The following LRRC57 variants were observed in gnomAD, a reference collection of about 807,000 sequenced individuals.
LRRC57 encodes the protein leucine rich repeat containing 57, also known as leucine-rich repeat-containing protein 57.
Under a neutral mutation model 23.1 loss-of-function variants are expected in LRRC57, and 14 were observed. That is an observed-to-expected ratio of 0.61 (90% CI 0.40 to 0.95). The LOEUF is 0.95. Ranked by LOEUF, LRRC57 falls within the 40% of genes least tolerant of loss-of-function variation. The pLI is 0.00. For synonymous variants in LRRC57, 106 were observed against 115.2 expected (o/e 0.92, Z 0.51); for missense variants, 236 against 284.4 (o/e 0.83, Z 1.22).
chr15:42,539,477 C>CAAGAAA lies in LRRC57; in HGVS notation c.*4605_*4606insTTTCTT. 2.3e-5 allele frequency: 1 copy of CAAGAAA among 43,662 alleles called. No individual in the cohort carries two copies. The highest frequency in any genetic ancestry group is 3.6e-5 in the Non-Finnish European group (1 of 27,402). The allele number at this position is 43,662 out of a possible 1,614,324, so 2.7% of individuals were successfully genotyped here. On this transcript the variant is annotated 3_prime_UTR_variant, in exon 6 of 6. Transcript: ENST00000397130. ...TGGGCGAAACAGACAGCCTCTGTCT[C>CAAGAAA]AAAAAAAAAAAAAAAAAAAAAGAGA...
In LRRC57 at chr15:42,548,716, G is replaced by A. The variant is rs1426511338; in HGVS notation, c.-46C>T. The A allele has an allele frequency of 1.3e-5, 8 of 637,994 alleles. No homozygotes were observed. The highest frequency in any genetic ancestry group is 2.2e-5 in the Non-Finnish European group (8 of 370,944). The allele number at this position is 637,994 out of a possible 1,614,324, so 39.5% of individuals were successfully genotyped here. A position where few individuals can be genotyped will look rare whatever the true frequency, so the allele number is the denominator to read the frequency against. On this transcript the variant is annotated 5_prime_UTR_variant, in exon 1 of 6. Coordinates refer to ENST00000397130, the MANE Select transcript of LRRC57 (RefSeq NM_153260.3). ...GCCTCCCACCGCTCAGCTGCCGTAA[G>A]GCTCCGCAGGTGAAGACCCAGGACC...
the LRRC57 span, chr15:42,529,738 G>A: frequency 8.1e-6 from 13 of 1,614,070 alleles, no homozygotes; most frequent in South Asian, 1.2e-4. Context: ...GCAGTATCCT[G>A]GGAAATCTAA....
the LRRC57 span, chr15:42,531,378 T>C: frequency 7.0e-7 from 1 of 1,426,244 alleles, no homozygotes; most frequent in Non-Finnish European, 9.3e-7. Flanking sequence ...TAGAGTTACT[T>C]ACCTTGTAAA....
chr15:42,535,481 T>G (rs113620376), downstream of LRRC57, among the ~76,000 whole-genome samples: 8,480 of 151,704 alleles, frequency 0.056, 340 homozygotes, highest in South Asian at 0.13. Context: ...AGTCTTGCTC[T>G]GTCGTCCAGG....
the LRRC57 span, chr15:42,531,401 C>A: frequency 6.5e-7 from 1 of 1,528,128 alleles, no homozygotes; most frequent in East Asian, 2.4e-5. Context: ...TGATATCTTT[C>A]TTGTTTTTCA....
chr15:42,533,254 A>G (rs1381704492), downstream of LRRC57, among the ~76,000 whole-genome samples: 1 of 152,202 alleles, frequency 6.6e-6, no homozygotes, highest in Admixed American at 6.5e-5. Flanking sequence ...TACCTTGCTA[A>G]AAATTTATTG....
chr15:42,532,874 A>G (rs1195539959), downstream of LRRC57: 1 of 152,646 alleles, frequency 6.6e-6, no homozygotes, highest in African/African-American at 2.4e-5. Context: ...TCTTTCTCTT[A>G]CCCTTGTGTA....
At position 42,543,844 on chromosome 15, in the gene LRRC57, C is replaced by T; in HGVS notation, c.*239G>A. On this transcript the variant is annotated 3_prime_UTR_variant, in exon 6 of 6. Coordinates refer to ENST00000397130, the MANE Select transcript of LRRC57 (RefSeq NM_153260.3). ...ATGATGGTTTTGAAGAGAACCTTGTCTATTGCCCTACTCATGACTCAAAAC... is the reference window on the plus strand; with the variant it reads ...ATGATGGTTTTGAAGAGAACCTTGTTTATTGCCCTACTCATGACTCAAAAC... The T allele has an allele frequency of 2.5e-6, 1 of 402,992 alleles. No homozygotes were observed. Among genetic ancestry groups the T allele is most frequent in the East Asian group, 3.5e-5 (1 of 28,700 alleles). The allele number at this position is 402,992 out of a possible 1,614,324, so 25.0% of individuals were successfully genotyped here.
chr15:42,548,651 G>A, intron 1 of LRRC57, 42 bp downstream of exon 1: 1 of 621,322 alleles, frequency 1.6e-6, no homozygotes, highest in Non-Finnish European at 2.8e-6. Context: ...GAGGCCAGGC[G>A]CCTCTGGGAG....
At position 42,542,829 on chromosome 15, in the gene LRRC57, GTTCT is replaced by G. The variant is rs2057637217; in HGVS notation, c.*1250_*1253del. The G allele has an allele frequency of 6.6e-6, 1 of 152,626 alleles. No homozygotes were observed. The highest frequency in any genetic ancestry group is 2.1e-4 in the South Asian group (1 of 4,830). The allele number at this position is 152,626 out of a possible 1,614,324, so 9.5% of individuals were successfully genotyped here. On this transcript the variant is annotated 3_prime_UTR_variant, in exon 6 of 6. Transcript: ENST00000397130. ...TTTGCTACCGCAGCCTTAGAGAGCA[GTTCT>G]TAGAGGTCTGCTGGTGCTTCTCTTG...
At chr15:42,529,527 A>G in the LRRC57 span, 1 of 736,832 alleles carries the variant, frequency 1.4e-6, no homozygotes, top group East Asian at 2.7e-5. Context: ...TTTTTATTAT[A>G]GAATGTTTCC....
the LRRC57 span, chr15:42,531,646 G>T: frequency 2.1e-6 from 1 of 474,574 alleles, no homozygotes; most frequent in Non-Finnish European, 3.7e-6. Context: ...TTTCTGTTGA[G>T]GGCCGACTGC....
chr15:42,548,701 G>A lies in LRRC57; in HGVS notation c.-31C>T. 3 of 628,032 alleles carry A rather than the reference G, an allele frequency of 4.8e-6. No homozygotes were observed. Among genetic ancestry groups the A allele is most frequent in the Admixed American group, 2.9e-5 (1 of 33,968 alleles). The allele number at this position is 628,032 out of a possible 1,614,324, so 38.9% of individuals were successfully genotyped here. A position where few individuals can be genotyped will look rare whatever the true frequency, so the allele number is the denominator to read the frequency against. On this transcript the variant is annotated 5_prime_UTR_variant, in exon 1 of 6. Transcript: ENST00000397130. ...GGGAGCCCCGGACTCGCCTCCCACC[G>A]CTCAGCTGCCGTAAGGCTCCGCAGG...
chr15:42,536,609 C>T (rs1211952283), downstream of LRRC57, among the ~76,000 whole-genome samples: 1 of 152,202 alleles, frequency 6.6e-6, no homozygotes, highest in Non-Finnish European at 1.5e-5. Flanking sequence ...TTTCCCACAG[C>T]TTCTGCTATT....
At chr15:42,547,869 T>C (rs951104935) in intron 3 of LRRC57, 1 of 564,982 alleles carries the variant, frequency 1.8e-6, no homozygotes. Context: ...ATCCCCAAAA[T>C]GTTCTTCTCT....
rs1025501648 is a variant in LRRC57 at position 42,540,480 on chromosome 15, A to G, written c.*3603T>C. 3 of 152,182 alleles carry G rather than the reference A, an allele frequency of 2.0e-5. No homozygotes were observed. Among genetic ancestry groups the G allele is most frequent in the Admixed American group, 1.3e-4 (2 of 15,272 alleles). The allele number at this position is 152,182 out of a possible 1,614,324, so 9.4% of individuals were successfully genotyped here. A position where few individuals can be genotyped will look rare whatever the true frequency, so the allele number is the denominator to read the frequency against. On this transcript the variant is annotated 3_prime_UTR_variant, in exon 6 of 6. Transcript: ENST00000397130. ...ATTTTGTATAAGGGACTTGAGCATC[A>G]TGGACTTGGTATCCATGGAGGTATT...
chr15:42,535,573 C>A (rs558442002), downstream of LRRC57, among the ~76,000 whole-genome samples: 1 of 151,836 alleles, frequency 6.6e-6, no homozygotes, highest in African/African-American at 2.4e-5. Context: ...GCCACCATGT[C>A]TGGCTAGTTT....
downstream of LRRC57, among the ~76,000 whole-genome samples, chr15:42,536,745 G>A (rs920047495): frequency 3.0e-4 from 46 of 152,326 alleles, no homozygotes; most frequent in African/African-American, 7.9e-4. Context: ...CTTTTGAAAG[G>A]TAGTAAATGG....
chr15:42,535,415 CG>C (rs2057595708), downstream of LRRC57, among the ~76,000 whole-genome samples: 1 of 151,400 alleles, frequency 6.6e-6, no homozygotes, highest in Non-Finnish European at 1.5e-5. Flanking sequence ...GGTTAACCGG[CG>C]TAAGAGGCCT....
Sources: allele counts gnomAD v4.1 joint callset (sites outside exome capture counted in the v4.1 genomes callset), GRCh38; gene constraint gnomAD v4.1.1; transcripts MANE v1.5; gene names NCBI Gene and HGNC (gene_info 2026-07-23, HGNC 2026-07-21).